The following METTL22 variants were observed in gnomAD, a reference collection of about 807,000 sequenced individuals.
METTL22 encodes methyltransferase-like protein 22.
Under a neutral mutation model 48.4 loss-of-function variants are expected in METTL22, and 51 were observed. The observed-to-expected ratio is 1.05, with a 90% CI of 0.84 to 1.33. The LOEUF (loss-of-function observed/expected upper bound fraction) is 1.33. METTL22 is among the 40% of genes most tolerant of loss of function. METTL22 has a pLI of 0.00. For missense variants in METTL22, 678 were observed against 526.9 expected (o/e 1.29, Z -2.81); for synonymous variants, 255 against 214.1 (o/e 1.19, Z -1.67).
intron 9 of METTL22, 37 bp downstream of exon 9, chr16:8,642,602 G>A (rs377511114): frequency 1.7e-5 from 27 of 1,580,454 alleles, no homozygotes; most frequent in African/African-American, 1.3e-4. Context: ...CTGACGTCCC[G>A]AGTGTCAGCG....
chr16:8,647,021 C>T lies in METTL22; in HGVS notation c.*878C>T. ...CTACCCTTGGCCCTCCCTGCAGCCC[C>T]TTTCCCCTGCCTTGCTGCTGCCGCA... On this transcript the variant is annotated 3_prime_UTR_variant, in exon 11 of 11. Transcript: ENST00000381920. 3.2e-6 allele frequency: 1 copy of T among 311,434 alleles called. No individual in the cohort carries two copies. The highest frequency in any genetic ancestry group is 6.3e-6 in the Non-Finnish European group (1 of 158,340). The allele number at this position is 311,434 out of a possible 1,614,324, so 19.3% of individuals were successfully genotyped here.
downstream of METTL22, among the ~76,000 whole-genome samples, chr16:8,652,261 C>G (rs1464931684): frequency 1.3e-5 from 2 of 151,458 alleles, no homozygotes; most frequent in Non-Finnish European, 2.9e-5. Context: ...GAGTTCAAGA[C>G]CAGCCTGGCC....
chr16:8,639,540 G>A (rs547938944), intron 6 of METTL22: 7 of 251,468 alleles, frequency 2.8e-5, no homozygotes, highest in Admixed American at 4.7e-5. Context: ...TCCCAGGGGC[G>A]TCATCACCTG....
intron 3 of METTL22, among the ~76,000 whole-genome samples, 170 bp downstream of exon 3, chr16:8,629,280 C>T (rs762218701): frequency 1.3e-4 from 20 of 152,192 alleles, no homozygotes; most frequent in Admixed American, 2.0e-4. Context: ...CACTCCTGCC[C>T]GGCTCACACC....
Position 8,644,584 on chromosome 16 carries a change from C to G in METTL22, c.1038C>G (p.Asp346Glu). The change falls in exon 10 of 11, where the codon GAC becomes GAG. Residue 346 changes from aspartate to glutamate, a missense_variant. Transcript: ENST00000381920. ...KRLNFTLRHLDVTCEAYDHFR... is the reference protein window; with the variant it reads ...KRLNFTLRHLEVTCEAYDHFR... ...TCAACTTCACATTGAGACACTTGGA[C>G]GTCACATGTGAAGCCTACGATCACT... 1 of 1,579,992 alleles carries G rather than the reference C, an allele frequency of 6.3e-7. No homozygotes were observed. The highest frequency in any genetic ancestry group is 1.8e-5 in the Admixed American group (1 of 55,050).
At chr16:8,627,092 C>T (rs973306216) in intron 2 of METTL22, among the ~76,000 whole-genome samples, 5 of 152,150 alleles carry the variant, frequency 3.3e-5, no homozygotes, top group Admixed American at 6.5e-5. Context: ...GCTTGCCTGG[C>T]TGCCTCTGTC....
chr16:8,634,539 G>A (rs373398339), intron 3 of METTL22, among the ~76,000 whole-genome samples: 1 of 151,968 alleles, frequency 6.6e-6, no homozygotes, highest in African/African-American at 2.4e-5. Context: ...TAAAAAGGAT[G>A]TAAATTTAAA....
chr16:8,652,110 T>C (rs905892113), downstream of METTL22, among the ~76,000 whole-genome samples: 1 of 152,068 alleles, frequency 6.6e-6, no homozygotes, highest in Non-Finnish European at 1.5e-5. Context: ...GGGGGAGAAA[T>C]GCTGCCAGGG....
chr16:8,623,116 C>G (rs888901594), intron 1 of METTL22, among the ~76,000 whole-genome samples: 3 of 152,040 alleles, frequency 2.0e-5, no homozygotes, highest in African/African-American at 4.8e-5. Context: ...GAGTTCAAGA[C>G]TAGCCTGGCC....
rs1306442658 is a variant in METTL22, at chr16:8,621,752, A to G, written c.-194A>G. 2.6e-5 allele frequency: 4 copies of G among 152,196 alleles called. No homozygotes were observed. Among genetic ancestry groups the G allele is most frequent in the Non-Finnish European group, 5.9e-5 (4 of 68,056 alleles). 9.4% of individuals were successfully genotyped at this position (152,196 alleles called of 1,614,324 possible). On this transcript the variant is annotated 5_prime_UTR_variant, in exon 1 of 11. Transcript: ENST00000381920. ...CCCACAGAGACGGGAGTCGGGTGGGATCCCAGGCTGGGCCCCGCGGCGGGT... is the reference window on the plus strand; with the variant it reads ...CCCACAGAGACGGGAGTCGGGTGGGGTCCCAGGCTGGGCCCCGCGGCGGGT...
At chr16:8,635,395 C>T in intron 5 of METTL22, 83 bp downstream of exon 5, 1 of 1,455,358 alleles carries the variant, frequency 6.9e-7, no homozygotes, top group Non-Finnish European at 9.1e-7. Flanking sequence ...GAGGCAGAGG[C>T]ACTGGAAATT....
chr16:8,655,859 C>G, the METTL22 span, among the ~76,000 whole-genome samples: 1 of 152,186 alleles, frequency 6.6e-6, no homozygotes, highest in African/African-American at 2.4e-5. Flanking sequence ...AGATTTATTT[C>G]TGAGGCATTT....
At chr16:8,629,301 C>T (rs1351717886) in intron 3 of METTL22, among the ~76,000 whole-genome samples, 191 bp downstream of exon 3, 1 of 152,238 alleles carries the variant, frequency 6.6e-6, no homozygotes, top group Non-Finnish European at 1.5e-5. Flanking sequence ...ACCACAGCCT[C>T]ACCCTGTGCG....
intron 3 of METTL22, among the ~76,000 whole-genome samples, chr16:8,629,419 C>T (rs1193003791): frequency 3.3e-5 from 5 of 152,226 alleles, no homozygotes; most frequent in Non-Finnish European, 5.9e-5. Context: ...ACACCTCCTC[C>T]AGGAAGCCTC....
the METTL22 span, chr16:8,666,855 C>G: frequency 6.7e-6 from 1 of 150,350 alleles, no homozygotes; most frequent in South Asian, 2.1e-4. Context: ...GGTACCATCT[C>G]GGCTCACTGC....
rs757814414 is a variant in METTL22, at chr16:8,639,075, C to G, written c.701-16C>G. On this transcript the variant is annotated splice_polypyrimidine_tract_variant and intron_variant, in intron 5 of 10. Transcript: ENST00000381920. ...GTAGTGGCTGGCACTTTATGGCTTG[C>G]CCTCTGTCATTCCAGATGTCGGTGC... The G allele has an allele frequency of 3.7e-6, 6 of 1,610,468 alleles. No homozygotes were observed. The highest frequency in any genetic ancestry group is 1.1e-5 in the South Asian group (1 of 90,796).
chr16:8,659,871 C>T, the METTL22 span, among the ~76,000 whole-genome samples: 4,061 of 151,872 alleles, frequency 0.027, 169 homozygotes, highest in African/African-American at 0.092. Flanking sequence ...ATTACAGGCA[C>T]AAGTCACCAT....
chr16:8,632,434 G>T (rs577039095), intron 3 of METTL22, among the ~76,000 whole-genome samples: 15 of 152,284 alleles, frequency 9.9e-5, no homozygotes, highest in Admixed American at 6.5e-4. Flanking sequence ...TCAAACTCCT[G>T]GCTTCAGGCG....
At chr16:8,665,445 C>A in the METTL22 span, among the ~76,000 whole-genome samples, 1 of 152,212 alleles carries the variant, frequency 6.6e-6, no homozygotes, top group Non-Finnish European at 1.5e-5. Flanking sequence ...AGGCAAAGCC[C>A]CTCCCTCTGC....
Sources: allele counts gnomAD v4.1 joint callset (sites outside exome capture counted in the v4.1 genomes callset), GRCh38; gene constraint gnomAD v4.1.1; transcripts MANE v1.5; gene names NCBI Gene and HGNC (gene_info 2026-07-23, HGNC 2026-07-21).